TSPYL4: variants seen among roughly 807,000 people sequenced by gnomAD.
The protein encoded by TSPYL4 is testis-specific Y-encoded-like protein 4.
In TSPYL4, 22 loss-of-function variants were observed where a neutral mutation model predicts 24.2. The ratio of observed to expected loss-of-function variants is 0.91; its 90% CI spans 0.65 to 1.30. The LOEUF (loss-of-function observed/expected upper bound fraction) is 1.30, where lower values mean the gene tolerates loss of function less well. TSPYL4 is among the 50% of genes most tolerant of loss of function. The pLI, the probability that TSPYL4 is intolerant of heterozygous loss-of-function variation, is 0.00. For synonymous variants in TSPYL4, 211 were observed against 208.2 expected, an observed-to-expected ratio of 1.01 and a Z score of -0.12; for missense variants, 569 against 536.7, an observed-to-expected ratio of 1.06 and a Z score of -0.60.
At position 116,253,221 on chromosome 6, in the gene TSPYL4, TG is replaced by T; in HGVS notation, c.787del (p.Gln263SerfsTer5). The T allele has an allele frequency of 6.2e-7, 1 of 1,614,066 alleles. No homozygotes were observed. The highest frequency in any genetic ancestry group is 8.5e-7 in the Non-Finnish European group (1 of 1,179,962). ...FWVTAFRNHP[Q>X]LSPMISGQDE... ...TTGGCCACTGATCATAGGTGACAGC[TG>T]GGGGTGGTTTCGAAAGGCAGTAACC... On this transcript the variant is annotated frameshift_variant, in exon 1 of 1. Coordinates refer to ENST00000420283, the MANE Select transcript of TSPYL4 (RefSeq NM_021648.5). LOFTEE classifies it high-confidence loss of function. This position sits in a 1 kb window ranked among gnomAD's most constrained non-coding sequence, Gnocchi z 4.3.
Position 116,253,827 on chromosome 6 carries a change from C to T in TSPYL4, c.182G>A (p.Gly61Asp). The T allele has an allele frequency of 1.2e-6, 2 of 1,609,676 alleles. No homozygotes were observed. The highest frequency in any genetic ancestry group is 1.7e-6 in the Non-Finnish European group (2 of 1,178,158). ...GGSLETVAEG[G>D]ASQDPVDCGP... is the part of the protein sequence containing the mutation. Reference sequence around the variant, plus strand: ...ACAGTCGACAGGATCCTGGGATGCACCCCCCTCCGCAACGGTCTCCAGGCT... The same window carrying T: ...ACAGTCGACAGGATCCTGGGATGCATCCCCCTCCGCAACGGTCTCCAGGCT... The change falls in exon 1 of 1, where the codon GGT (glycine) becomes GAT (aspartate). Residue 61 changes from glycine (G) to aspartate (D), a missense_variant. Coordinates refer to ENST00000420283, the MANE Select transcript of TSPYL4 (RefSeq NM_021648.5). This position sits in a 1 kb window ranked among gnomAD's most constrained non-coding sequence, Gnocchi z 4.3.
In TSPYL4 at chr6:116,250,286, A is replaced by G. The variant is rs944491155; in HGVS notation, c.*2478T>C. The stretch of plus-strand genomic sequence containing the variant: ...AGAATAGAGCCATATATGAACAGAG[A>G]GCAAAACAAGCTAATACATTAATGA... On this transcript the variant is annotated 3_prime_UTR_variant, in exon 1 of 1. Transcript: ENST00000420283. The G allele has an allele frequency of 6.6e-6, 1 of 152,648 alleles. No individual in the cohort carries two copies. Among genetic ancestry groups the G allele is most frequent in the Non-Finnish European group, 1.5e-5 (1 of 68,032 alleles). The allele number at this position is 152,648 out of a possible 1,614,324, so 9.5% of individuals were successfully genotyped here.
At position 116,253,008 on chromosome 6, in the gene TSPYL4, C is replaced by G. The variant is rs755700789; in HGVS notation, c.1001G>C (p.Arg334Pro). 27 of 1,613,986 alleles carry G rather than the reference C, an allele frequency of 1.7e-5. No homozygotes were observed. The Admixed American group carries it at 4.5e-4, about 27-fold the overall frequency. ...GATATGAGCCTGGGGGTCTTGGCCTCGGTGCCAGCGGATTGGAGTGGAAAG... is the reference window on the plus strand; with the variant it reads ...GATATGAGCCTGGGGGTCTTGGCCTGGGTGCCAGCGGATTGGAGTGGAAAG... ...VSLSTPIRWHRGQDPQAHIHR... is the reference protein window; with the variant it reads ...VSLSTPIRWHPGQDPQAHIHR... The change falls in exon 1 of 1, where the codon CGA (arginine) becomes CCA (proline). Residue 334 changes from arginine to proline, a missense_variant. Transcript: ENST00000420283. This position sits in a 1 kb window ranked among gnomAD's most constrained non-coding sequence, Gnocchi z 4.3.
At position 116,253,044 on chromosome 6, in the gene TSPYL4, CG is replaced by C. The variant is rs1562183194; in HGVS notation, c.964del (p.Arg322GlyfsTer43). 1 of 1,614,124 alleles carries C rather than the reference CG, an allele frequency of 6.2e-7. No individual in the cohort carries two copies. The highest frequency in any genetic ancestry group is 1.7e-5 in the Admixed American group (1 of 60,012). On this transcript the variant is annotated frameshift_variant, in exon 1 of 1. Coordinates refer to ENST00000420283, the MANE Select transcript of TSPYL4 (RefSeq NM_021648.5). LOFTEE classifies it high-confidence loss of function. The surrounding 1 kb of genome is among the most constrained non-coding windows in gnomAD (Gnocchi z 4.3). ...VKEYERRSSG[R>X]VVSLSTPIRW... ...GATTGGAGTGGAAAGAGACACCACCCGGCCAGAGGATCTGCGTTCATATTCC... is the reference window on the plus strand; with the variant it reads ...GATTGGAGTGGAAAGAGACACCACCCGCCAGAGGATCTGCGTTCATATTCC...
Position 116,252,961 on chromosome 6 carries a change from T to C in TSPYL4, c.1048A>G (p.Thr350Ala). 6.2e-7 allele frequency: 1 copy of C among 1,614,032 alleles called. No individual in the cohort carries two copies. The highest frequency in any genetic ancestry group is 8.5e-7 in the Non-Finnish European group (1 of 1,179,940). Residue 350 changes from threonine (T) to alanine (A), a missense_variant, in exon 1 of 1, where the codon ACT (threonine) becomes GCT (alanine). Thr to Ala is a moderately conservative substitution (Grantham distance 58). Coordinates refer to ENST00000420283, the MANE Select transcript of TSPYL4 (RefSeq NM_021648.5). ...AHIHRNREGN[T>A]IPSFFNWFSD... is the part of the protein sequence containing the mutation. ...AACCAGTTGAAGAAACTAGGGATAG[T>C]GTTCCCTTCCCGGTTTCTGTGGATA... is the stretch of plus-strand genomic sequence containing the variant.
chr6:116,253,555 C>T lies in TSPYL4; in HGVS notation c.454G>A (p.Val152Met). 1.3e-6 allele frequency: 2 copies of T among 1,551,956 alleles called. No individual in the cohort carries two copies. Among genetic ancestry groups the T allele is most frequent in the Non-Finnish European group, 1.7e-6 (2 of 1,147,048 alleles). The part of the protein sequence containing the change: ...QMIPGKKAKE[V>M]TTKKRAISAA... Reference sequence around the variant, plus strand: ...GAGATGGCGCGTTTTTTAGTCGTCACTTCCTTGGCCTTCTTCCCCGGTATC... The same window carrying T: ...GAGATGGCGCGTTTTTTAGTCGTCATTTCCTTGGCCTTCTTCCCCGGTATC... Residue 152 changes from valine to methionine, a missense_variant, in exon 1 of 1, where the codon GTG becomes ATG. Coordinates refer to ENST00000420283, the MANE Select transcript of TSPYL4 (RefSeq NM_021648.5). The surrounding 1 kb of genome is among the most constrained non-coding windows in gnomAD (Gnocchi z 4.3).
chr6:116,254,032 G>A lies in TSPYL4; in HGVS notation c.-24C>T. 1 of 1,544,198 alleles carries A rather than the reference G, an allele frequency of 6.5e-7. No homozygotes were observed. The highest frequency in any genetic ancestry group is 8.7e-7 in the Non-Finnish European group (1 of 1,146,012). On this transcript the variant is annotated 5_prime_UTR_variant, in exon 1 of 1. Transcript: ENST00000420283. ...ATTTTGGAAGAAGTCAGACTAGTGG[G>A]AGAGGGAGAGTTCCTTGTCCTCCGC...
rs1295563039 is a variant in TSPYL4 at position 116,253,705 on chromosome 6, C to T, written c.304G>A (p.Ala102Thr). ...DAPPSTKGLEAASAAEAADSS... is the reference protein window; with the variant it reads ...DAPPSTKGLETASAAEAADSS... ...TCAGCAGCCTCGGCGGCAGAGGCTG[C>T]TTCCAGACCTTTCGTAGAAGGTGGA... Residue 102 changes from alanine (A) to threonine (T), a missense_variant, in exon 1 of 1, where the codon GCA becomes ACA. By Grantham distance (58) the Ala-to-Thr change is moderately conservative. Transcript: ENST00000420283. The surrounding 1 kb of genome is among the most constrained non-coding windows in gnomAD (Gnocchi z 4.3). 4 of 1,564,934 alleles carry T rather than the reference C, an allele frequency of 2.6e-6. No individual in the cohort carries two copies. Among genetic ancestry groups the T allele is most frequent in the Non-Finnish European group, 3.5e-6 (4 of 1,153,362 alleles).
rs925464046 is a variant in TSPYL4, at chr6:116,252,256, T to G, written c.*508A>C. 5 of 154,766 alleles carry G rather than the reference T, an allele frequency of 3.2e-5. No homozygotes were observed. The highest frequency in any genetic ancestry group is 1.2e-4 in the African/African-American group (5 of 41,466). 9.6% of individuals were successfully genotyped at this position (154,766 alleles called of 1,614,324 possible). A position where few individuals can be genotyped will look rare whatever the true frequency, so the allele number is the denominator to read the frequency against. On this transcript the variant is annotated 3_prime_UTR_variant, in exon 1 of 1. Coordinates refer to ENST00000420283, the MANE Select transcript of TSPYL4 (RefSeq NM_021648.5). ...TGGTGGTAGTCTGGAATGTCCAATT[T>G]GGGTTGATGGCCGGGTTAAGATATC... is the stretch of plus-strand genomic sequence containing the variant.
Position 116,251,133 on chromosome 6 carries a change from G to A in TSPYL4, c.*1631C>T, listed in dbSNP as rs1771944480. 2.5e-6 allele frequency: 1 copy of A among 398,422 alleles called. No homozygotes were observed. The highest frequency in any genetic ancestry group is 4.4e-6 in the Non-Finnish European group (1 of 226,058). The allele number at this position is 398,422 out of a possible 1,614,324, so 24.7% of individuals were successfully genotyped here. A position where few individuals can be genotyped will look rare whatever the true frequency, so the allele number is the denominator to read the frequency against. On this transcript the variant is annotated 3_prime_UTR_variant, in exon 1 of 1. Transcript: ENST00000420283. Reference sequence around the variant, plus strand: ...CAGGGCAGAAACAAAATAGTACAAAGGAGAAGAGTGACCTACAAAATGCTA... The same window carrying A: ...CAGGGCAGAAACAAAATAGTACAAAAGAGAAGAGTGACCTACAAAATGCTA...
In TSPYL4 at chr6:116,251,283, A is replaced by T. The variant is rs1771947089; in HGVS notation, c.*1481T>A. The T allele has an allele frequency of 2.5e-6, 1 of 398,728 alleles. No homozygotes were observed. 24.7% of individuals were successfully genotyped at this position (398,728 alleles called of 1,614,324 possible). A position where few individuals can be genotyped will look rare whatever the true frequency, so the allele number is the denominator to read the frequency against. On this transcript the variant is annotated 3_prime_UTR_variant, in exon 1 of 1. Transcript: ENST00000420283. The stretch of plus-strand genomic sequence containing the variant: ...GCCTTTGACCCGTCCTGAACCCATC[A>T]CTGTGAGGCCCTTCTCTCTCTTTCC...
At position 116,250,304 on chromosome 6, in the gene TSPYL4, A is replaced by G. The variant is rs1312116444; in HGVS notation, c.*2460T>C. 1.3e-5 allele frequency: 2 copies of G among 152,652 alleles called. No individual in the cohort carries two copies. The highest frequency in any genetic ancestry group is 2.1e-4 in the South Asian group (1 of 4,826). The allele number at this position is 152,652 out of a possible 1,614,324, so 9.5% of individuals were successfully genotyped here. ...AACAGAGAGCAAAACAAGCTAATACATTAATGAATATTCACTGAATTCTTC... is the reference window on the plus strand; with the variant it reads ...AACAGAGAGCAAAACAAGCTAATACGTTAATGAATATTCACTGAATTCTTC... On this transcript the variant is annotated 3_prime_UTR_variant, in exon 1 of 1. Coordinates refer to ENST00000420283, the MANE Select transcript of TSPYL4 (RefSeq NM_021648.5).
In TSPYL4 at chr6:116,251,522, TTCTCTC is replaced by T; in HGVS notation, c.*1236_*1241del. 3.0e-6 allele frequency: 1 copy of T among 334,498 alleles called. No homozygotes were observed. The highest frequency in any genetic ancestry group is 5.3e-6 in the Non-Finnish European group (1 of 187,124). 20.7% of individuals were successfully genotyped at this position (334,498 alleles called of 1,614,324 possible). ...TCTGGAGCCCATTTAATCATAACCT[TTCTCTC>T]TGAACACAATCAGGGAAAGAGCAAA... On this transcript the variant is annotated 3_prime_UTR_variant, in exon 1 of 1. Transcript: ENST00000420283.
chr6:116,253,537 C>T lies in TSPYL4; in HGVS notation c.472G>A (p.Ala158Thr). Residue 158 changes from alanine to threonine, a missense_variant, in exon 1 of 1, where the codon GCC becomes ACC. Transcript: ENST00000420283. This position sits in a 1 kb window ranked among gnomAD's most constrained non-coding sequence, Gnocchi z 4.3. Reference sequence around the variant, plus strand: ...TCCTTTTCCACTGCTGCCGAGATGGCGCGTTTTTTAGTCGTCACTTCCTTG... The same window carrying T: ...TCCTTTTCCACTGCTGCCGAGATGGTGCGTTTTTTAGTCGTCACTTCCTTG... ...KAKEVTTKKR[A>T]ISAAVEKEGE... The T allele has an allele frequency of 6.4e-7, 1 of 1,551,896 alleles. No homozygotes were observed. The highest frequency in any genetic ancestry group is 8.7e-7 in the Non-Finnish European group (1 of 1,147,058).
Position 116,253,211 on chromosome 6 carries a change from A to T in TSPYL4, c.798T>A (p.Pro266=), listed in dbSNP as rs764514237. The T allele has an allele frequency of 6.2e-7, 1 of 1,614,106 alleles. No individual in the cohort carries two copies. The highest frequency in any genetic ancestry group is 2.2e-5 in the East Asian group (1 of 44,858). The change falls in exon 1 of 1, where the codon CCT becomes CCA. Residue 266 remains proline (P), a synonymous_variant. Coordinates refer to ENST00000420283, the MANE Select transcript of TSPYL4 (RefSeq NM_021648.5). The surrounding 1 kb of genome is among the most constrained non-coding windows in gnomAD (Gnocchi z 4.3). The part of the protein sequence containing the change: ...TAFRNHPQLS[P]MISGQDEDML... ...TGTCTTCATCTTGGCCACTGATCAT[A>T]GGTGACAGCTGGGGGTGGTTTCGAA...
Position 116,253,633 on chromosome 6 carries a change from C to T in TSPYL4, c.376G>A (p.Ala126Thr). The T allele has an allele frequency of 6.4e-7, 1 of 1,554,154 alleles. No homozygotes were observed. The highest frequency in any genetic ancestry group is 1.2e-5 in the South Asian group (1 of 84,390). ...CAGGCTTCTAGAGCCTTCTGCCCAG[C>T]AGGGCCACGGGGCTCTCCAAGCTGA... ...GCQLGEPRGPAGQKALEACGA... is the reference protein window; with the variant it reads ...GCQLGEPRGPTGQKALEACGA... The change falls in exon 1 of 1, where the codon GCT (alanine) becomes ACT (threonine). Residue 126 changes from alanine (A) to threonine (T), a missense_variant. By Grantham distance (58) the Ala-to-Thr change is moderately conservative. Coordinates refer to ENST00000420283, the MANE Select transcript of TSPYL4 (RefSeq NM_021648.5). The surrounding 1 kb of genome is among the most constrained non-coding windows in gnomAD (Gnocchi z 4.3).
rs1395293594 is a variant in TSPYL4, at chr6:116,252,791, G to A, written c.1218C>T (p.Ala406=). 1 of 1,598,740 alleles carries A rather than the reference G, an allele frequency of 6.3e-7. No individual in the cohort carries two copies. The highest frequency in any genetic ancestry group is 8.5e-7 in the Non-Finnish European group (1 of 1,171,958). The change falls in exon 1 of 1, where the codon GCC becomes GCT. Residue 406 remains alanine, a synonymous_variant. Transcript: ENST00000420283. The part of the protein sequence containing the change: ...RGPPRQPVES[A]RSFRFQSG ...AGCCAGACTGGAACCTGAAGGATCT[G>A]GCGCTCTCCACTGGCTGCCTTGGTG...
rs1334027285 is a variant in TSPYL4, at chr6:116,253,181, C to T, written c.828G>A (p.Leu276=). ...PMISGQDEDM[L]RYMINLEVEE... The stretch of plus-strand genomic sequence containing the variant: ...CCACCTCCAAATTGATCATGTACCT[C>T]AGCATGTCTTCATCTTGGCCACTGA... Residue 276 remains leucine (L), a synonymous_variant, in exon 1 of 1, where the codon CTG becomes CTA. Transcript: ENST00000420283. The surrounding 1 kb of genome is among the most constrained non-coding windows in gnomAD (Gnocchi z 4.3). The T allele has an allele frequency of 6.2e-7, 1 of 1,614,086 alleles. No individual in the cohort carries two copies. Among genetic ancestry groups the T allele is most frequent in the Non-Finnish European group, 8.5e-7 (1 of 1,179,974 alleles).
Position 116,252,006 on chromosome 6 carries a change from G to A in TSPYL4, c.*758C>T, listed in dbSNP as rs1360372857. The A allele has an allele frequency of 6.6e-6, 1 of 152,554 alleles. No individual in the cohort carries two copies. The highest frequency in any genetic ancestry group is 1.5e-5 in the Non-Finnish European group (1 of 68,162). The allele number at this position is 152,554 out of a possible 1,614,324, so 9.5% of individuals were successfully genotyped here. ...TGGCCTAAGCAAAGTTCAACCAGAA[G>A]GTGAGAGTGAGTAGGGGTGGGCTAT... On this transcript the variant is annotated 3_prime_UTR_variant, in exon 1 of 1. Coordinates refer to ENST00000420283, the MANE Select transcript of TSPYL4 (RefSeq NM_021648.5).
Sources: allele counts gnomAD v4.1 joint callset, GRCh38; gene constraint gnomAD v4.1.1; non-coding constraint Gnocchi (gnomAD v3.1); transcripts MANE v1.5; gene names NCBI Gene and HGNC (gene_info 2026-07-23, HGNC 2026-07-21).